Variants in SLC9A9 observed in about 807,000 individuals in gnomAD.
SLC9A9 encodes sodium/hydrogen exchanger 9.
SLC9A9 carries 62 observed loss-of-function variants against 77.8 expected under a neutral mutation model. That is an observed-to-expected ratio of 0.80 (90% CI 0.65 to 0.98). The LOEUF is 0.98. Among genes scored for constraint, SLC9A9 ranks in the 50% least tolerant of loss-of-function variants. The pLI, the probability that SLC9A9 is intolerant of heterozygous loss-of-function variation, is 0.00. For synonymous variants in SLC9A9, 320 were observed against 283.5 expected (o/e 1.13, Z -1.29); for missense variants, 775 against 774.9 (o/e 1.00, Z 0.00).
chr3:143,422,815 G>A (rs1174037563), intron 12 of SLC9A9, among the ~76,000 whole-genome samples: 3 of 152,226 alleles, frequency 2.0e-5, no homozygotes, highest in East Asian at 3.8e-4. Context: ...CAGCCAGTGA[G>A]TATCAGAGCC....
intron 8 of SLC9A9, among the ~76,000 whole-genome samples, chr3:143,563,946 C>G (rs2037127404): frequency 6.6e-6 from 1 of 152,134 alleles, no homozygotes; most frequent in South Asian, 2.1e-4. Context: ...TCCCTCTTGA[C>G]CTCTATCTCC....
chr3:143,458,170 T>G (rs2108561997), intron 12 of SLC9A9, among the ~76,000 whole-genome samples: 1 of 152,286 alleles, frequency 6.6e-6, no homozygotes, highest in Admixed American at 6.5e-5. Context: ...ATAAACTCTT[T>G]TATCATTATG....
Position 143,423,248 on chromosome 3 carries a change from TACACACACACAC to T in SLC9A9, c.1470-41146_1470-41135del, listed in dbSNP as rs377276883. Among the ~76,000 whole-genome samples the T allele has an allele frequency of 2.7e-3, 387 of 143,836 alleles. 3 individuals carry two copies. Among genetic ancestry groups the T allele is most frequent in the African/African-American group, 8.3e-3 (323 of 38,862 alleles). 94.4% of individuals were successfully genotyped at this position (143,836 alleles called of 152,430 possible). ...ACACACACGTGTACACACGCGCGTG[TACACACACACAC>T]ACACACACACACACACACACACACA... On this transcript the variant is annotated intron_variant, in intron 12 of 15. Coordinates refer to ENST00000316549, the MANE Select transcript of SLC9A9 (RefSeq NM_173653.4).
chr3:143,640,546 A>G (rs1465931350), intron 6 of SLC9A9, among the ~76,000 whole-genome samples: 2 of 151,694 alleles, frequency 1.3e-5, no homozygotes, highest in Non-Finnish European at 2.9e-5. Flanking sequence ...AGACAGAACT[A>G]CCTCCTCCAA....
At chr3:143,684,498 A>G (rs1318582341) in intron 5 of SLC9A9, among the ~76,000 whole-genome samples, 1 of 152,114 alleles carries the variant, frequency 6.6e-6, no homozygotes, top group Non-Finnish European at 1.5e-5. Context: ...GGAACATTAA[A>G]TGTGTCAACA....
intron 6 of SLC9A9, among the ~76,000 whole-genome samples, chr3:143,650,793 G>A (rs2038782676): frequency 6.6e-6 from 1 of 152,152 alleles, no homozygotes; most frequent in African/African-American, 2.4e-5. Context: ...TAGAGAGGTA[G>A]GAGAGGCATC....
At chr3:143,695,547 G>T (rs7649487) in intron 4 of SLC9A9, among the ~76,000 whole-genome samples, 64,919 of 151,944 alleles carry the variant, frequency 0.43, 14,062 homozygotes, top group South Asian at 0.6. Context: ...GTATTCCATG[G>T]TGTATATGTG....
chr3:143,366,217 C>A (rs1307039484), intron 13 of SLC9A9, among the ~76,000 whole-genome samples: 1 of 152,210 alleles, frequency 6.6e-6, no homozygotes, highest in African/African-American at 2.4e-5. Context: ...ATTGAATGCC[C>A]ATTAACTCCC....
At chr3:143,498,699 TC>T (rs1444153821) in intron 9 of SLC9A9, among the ~76,000 whole-genome samples, 3 of 152,152 alleles carry the variant, frequency 2.0e-5, no homozygotes, top group Non-Finnish European at 1.5e-5. Context: ...ATTAACAGCA[TC>T]CCAGAATCAC....
intron 12 of SLC9A9, among the ~76,000 whole-genome samples, chr3:143,387,182 G>A (rs989242560): frequency 6.6e-6 from 1 of 152,054 alleles, no homozygotes; most frequent in East Asian, 1.9e-4. Flanking sequence ...ACTAGTTAGG[G>A]TAATAAGGCA....
At chr3:143,783,091 A>G (rs1342753259) in intron 4 of SLC9A9, among the ~76,000 whole-genome samples, 2 of 152,114 alleles carry the variant, frequency 1.3e-5, no homozygotes, top group Non-Finnish European at 2.9e-5. Flanking sequence ...TATTTTCATC[A>G]TCTGGTCAGA....
intron 14 of SLC9A9, chr3:143,344,411 C>T (rs1448707698): frequency 6.6e-6 from 1 of 152,154 alleles, no homozygotes; most frequent in Non-Finnish European, 1.5e-5. Flanking sequence ...GTATTACTCT[C>T]TGCTTTGAAC....
intron 6 of SLC9A9, among the ~76,000 whole-genome samples, chr3:143,637,101 T>C (rs2038535695): frequency 6.6e-6 from 1 of 152,212 alleles, no homozygotes; most frequent in Non-Finnish European, 1.5e-5. Flanking sequence ...CCCTCAAGGA[T>C]CACACTAGCT....
At chr3:143,648,261 C>G (rs2108745096) in intron 6 of SLC9A9, among the ~76,000 whole-genome samples, 1 of 152,244 alleles carries the variant, frequency 6.6e-6, no homozygotes, top group East Asian at 1.9e-4. Context: ...TCAGCAGTCC[C>G]CAGACTTTTC....
intron 2 of SLC9A9, among the ~76,000 whole-genome samples, chr3:143,797,958 G>A (rs572286248): frequency 1.2e-3 from 190 of 152,218 alleles, no homozygotes; most frequent in South Asian, 2.1e-3. Flanking sequence ...GCCATGACTC[G>A]GATCAGGGGA....
rs77335850 is a variant in SLC9A9 at position 143,669,288 on chromosome 3, G to A, written c.650-16928C>T. Reference sequence around the variant, plus strand: ...AACACATAAATGGAATGTGTGGGCTGGACACTGACTTTCAAAACTTCCATC... The same window carrying A: ...AACACATAAATGGAATGTGTGGGCTAGACACTGACTTTCAAAACTTCCATC... On this transcript the variant is annotated intron_variant, in intron 5 of 15. Coordinates refer to ENST00000316549, the MANE Select transcript of SLC9A9 (RefSeq NM_173653.4). 6.7e-3 allele frequency among the ~76,000 whole-genome samples: 1,015 copies of A among 152,288 alleles called. 11 individuals carry two copies. Among genetic ancestry groups the A allele is most frequent in the African/African-American group, 0.023 (965 of 41,554 alleles).
At chr3:143,721,906 C>T (rs1230463561) in intron 4 of SLC9A9, among the ~76,000 whole-genome samples, 2 of 152,156 alleles carry the variant, frequency 1.3e-5, no homozygotes, top group Non-Finnish European at 1.5e-5. Flanking sequence ...CTAGCAAACA[C>T]GTTATTTTTT....
intron 4 of SLC9A9, among the ~76,000 whole-genome samples, chr3:143,701,545 G>A (rs190701723): frequency 6.6e-6 from 1 of 152,210 alleles, no homozygotes; most frequent in Non-Finnish European, 1.5e-5. Context: ...TCTTTCAACA[G>A]CAGAATTGAT....
chr3:143,685,705 T>C (rs182248223), intron 5 of SLC9A9, among the ~76,000 whole-genome samples: 101 of 152,302 alleles, frequency 6.6e-4, no homozygotes, highest in African/African-American at 2.3e-3. Context: ...TTCTGGCATC[T>C]TCTGGGTGAT....
Sources: gnomAD v4.1 joint callset for allele counts (sites outside exome capture counted in the v4.1 genomes callset) on GRCh38, gnomAD v4.1.1 for gene constraint, MANE v1.5 for transcripts, NCBI Gene and HGNC (gene_info 2026-07-23, HGNC 2026-07-21) for gene names.